The following SPRED2 variants were observed in gnomAD, a reference collection of about 807,000 sequenced individuals.
SPRED2 encodes the protein sprouty-related, EVH1 domain-containing protein 2.
A neutral mutation model predicts 43.0 loss-of-function variants in SPRED2; 47 were observed. The observed-to-expected ratio is 1.09, with a 90% confidence interval of 0.87 to 1.40. The LOEUF is 1.40. Ranked by LOEUF, SPRED2 falls within the 40% of genes most tolerant of loss-of-function variation. The probability of loss-of-function intolerance (pLI) is 0.00; values close to 1 mark genes in which losing one functional copy is unlikely to be tolerated. For missense variants in SPRED2, 561 were observed against 586.4 expected, an observed-to-expected ratio of 0.96 and a Z score of 0.45; for synonymous variants, 225 against 225.7, an observed-to-expected ratio of 1.00 and a Z score of 0.03.
At chr2:65,390,761 G>C (rs1165419054) in intron 1 of SPRED2, among the ~76,000 whole-genome samples, 1 of 152,078 alleles carries the variant, frequency 6.6e-6, no homozygotes, top group African/African-American at 2.4e-5. Context: ...GTATTTTCTA[G>C]AACAAGTCAC....
chr2:65,313,831 G>T lies in SPRED2; in HGVS notation c.927C>A (p.Cys309Ter). 1.2e-6 allele frequency: 2 copies of T among 1,612,728 alleles called. No individual in the cohort carries two copies. The highest frequency in any genetic ancestry group is 1.7e-6 in the Non-Finnish European group (2 of 1,180,012). ...RRKEDGERSRCVYCRDMFNHE... is the reference protein window; with the variant it reads ...RRKEDGERSR ...GGTTGAACATGTCCCTGCAGTACAC[G>T]CACCGCGAGCGCTCTCCGTCCTCCT... is the stretch of plus-strand genomic sequence containing the variant. Residue 309 changes from cysteine to a stop codon, truncating the protein, a stop_gained, in exon 6 of 6, where the codon TGC becomes TGA. Coordinates refer to ENST00000356388, the MANE Select transcript of SPRED2 (RefSeq NM_181784.3). LOFTEE classifies it high-confidence loss of function.
chr2:65,313,479 G>C lies in SPRED2; in HGVS notation c.*22C>G, dbSNP rs777578661. ...GAGTTCCCCTGTGGCTGCGGATGGAGGGAGAAGGGAGGGAAACTGAGTCAC... is the reference window on the plus strand; with the variant it reads ...GAGTTCCCCTGTGGCTGCGGATGGACGGAGAAGGGAGGGAAACTGAGTCAC... On this transcript the variant is annotated 3_prime_UTR_variant, in exon 6 of 6. Transcript: ENST00000356388. 1 of 1,579,616 alleles carries C rather than the reference G, an allele frequency of 6.3e-7. No homozygotes were observed. Among genetic ancestry groups the C allele is most frequent in the Non-Finnish European group, 8.6e-7 (1 of 1,163,648 alleles).
At chr2:65,308,305 A>G (rs1222024794), downstream of SPRED2, 2 of 985,350 alleles carry the variant, frequency 2.0e-6, no homozygotes, top group Non-Finnish European at 2.4e-6. Flanking sequence ...GCTCCCACAG[A>G]GGCCACCGAC....
intron 1 of SPRED2, among the ~76,000 whole-genome samples, chr2:65,424,217 C>A (rs1375375033): frequency 6.6e-6 from 1 of 152,072 alleles, no homozygotes; most frequent in East Asian, 1.9e-4. Context: ...GGTCTCACTC[C>A]AAAGTCCATG....
At chr2:65,409,874 A>G (rs1471186863) in intron 1 of SPRED2, among the ~76,000 whole-genome samples, 1 of 151,704 alleles carries the variant, frequency 6.6e-6, no homozygotes, top group Non-Finnish European at 1.5e-5. Flanking sequence ...TACTAAAAAT[A>G]CAAAAATTAT....
chr2:65,374,970 A>G (rs1675204321), intron 1 of SPRED2, among the ~76,000 whole-genome samples: 1 of 152,262 alleles, frequency 6.6e-6, no homozygotes, highest in African/African-American at 2.4e-5. Context: ...CACCTCACCA[A>G]GAAAAGAAGC....
At chr2:65,361,819 C>T (rs1674822276) in intron 1 of SPRED2, among the ~76,000 whole-genome samples, 1 of 152,186 alleles carries the variant, frequency 6.6e-6, no homozygotes, top group Non-Finnish European at 1.5e-5. Context: ...TTTTGCTCTT[C>T]ACCCCTCCCA....
intron 1 of SPRED2, among the ~76,000 whole-genome samples, chr2:65,419,414 G>A (rs1301491868): frequency 1.3e-5 from 2 of 152,122 alleles, no homozygotes; most frequent in African/African-American, 4.8e-5. Flanking sequence ...CCACTCCAGA[G>A]TACCAAGGCA....
intron 1 of SPRED2, among the ~76,000 whole-genome samples, chr2:65,376,415 T>A (rs1015849068): frequency 1.3e-5 from 2 of 152,216 alleles, no homozygotes; most frequent in African/African-American, 4.8e-5. Context: ...CATTAATTTA[T>A]CTGTACAATG....
rs1015998648 is a variant in SPRED2, at chr2:65,424,768, T to A, written c.26+7194A>T. Among the ~76,000 whole-genome samples the A allele has an allele frequency of 5.3e-3, 78 of 14,822 alleles. No homozygotes were observed. In the African/African-American group the frequency reaches 0.19, roughly 37 times the overall value. 9.7% of individuals were successfully genotyped at this position (14,822 alleles called of 152,430 possible). On this transcript the variant is annotated intron_variant, in intron 1 of 5. Coordinates refer to ENST00000356388, the MANE Select transcript of SPRED2 (RefSeq NM_181784.3). The stretch of plus-strand genomic sequence containing the variant: ...GAGCTGAAGGCCATCCTGGGCAACG[T>A]TAAGAAGACCTCACCTCTACTAAAA...
chr2:65,428,169 T>G (rs1558695451), intron 1 of SPRED2, among the ~76,000 whole-genome samples: 2 of 152,226 alleles, frequency 1.3e-5, no homozygotes, highest in South Asian at 4.1e-4. Flanking sequence ...AAGAGCCACA[T>G]AGGGCACCTG....
intron 1 of SPRED2, among the ~76,000 whole-genome samples, chr2:65,356,983 GTC>G (rs1674671551): frequency 1.3e-5 from 2 of 152,208 alleles, no homozygotes; most frequent in South Asian, 2.1e-4. Context: ...AACAGAATGA[GTC>G]TCTGTCTCAA....
At chr2:65,430,436 C>T (rs1460599934) in intron 1 of SPRED2, among the ~76,000 whole-genome samples, 3 of 152,208 alleles carry the variant, frequency 2.0e-5, no homozygotes, top group Admixed American at 6.5e-5. Context: ...ACCAGCCCCA[C>T]TCCCGCCCGG....
At chr2:65,373,920 C>T (rs1675183614) in intron 1 of SPRED2, 1 of 151,972 alleles carries the variant, frequency 6.6e-6, no homozygotes, top group Admixed American at 6.6e-5. Context: ...TTCTTCATTA[C>T]AAAAAGTGAT....
chr2:65,321,504 TAAAAAAA>T (rs70943644), intron 4 of SPRED2, among the ~76,000 whole-genome samples: 4 of 55,776 alleles, frequency 7.2e-5, no homozygotes, highest in African/African-American at 2.8e-4. Flanking sequence ...AGACCCTGTC[TAAAAAAA>T]AAAAAAAAAA....
At chr2:65,327,223 C>T (rs1308433185) in intron 4 of SPRED2, among the ~76,000 whole-genome samples, 1 of 152,136 alleles carries the variant, frequency 6.6e-6, no homozygotes, top group Non-Finnish European at 1.5e-5. Flanking sequence ...CACAGTTTAG[C>T]TTCACTGGAG....
chr2:65,378,621 C>T (rs1031421104), intron 1 of SPRED2, among the ~76,000 whole-genome samples: 3 of 152,168 alleles, frequency 2.0e-5, no homozygotes, highest in Non-Finnish European at 4.4e-5. Flanking sequence ...GGCAGTGTGG[C>T]CCCATAGGGG....
intron 4 of SPRED2, among the ~76,000 whole-genome samples, chr2:65,319,465 G>A (rs1673346693): frequency 6.6e-6 from 1 of 152,184 alleles, no homozygotes; most frequent in African/African-American, 2.4e-5. Flanking sequence ...CCTTTGAGCT[G>A]CTGGATCCAG....
intron 1 of SPRED2, among the ~76,000 whole-genome samples, chr2:65,365,616 T>A (rs898260590): frequency 2.0e-5 from 3 of 152,210 alleles, no homozygotes; most frequent in African/African-American, 7.2e-5. Flanking sequence ...TTAGGCAAAT[T>A]TGTGGGCAGT....
Sources: allele counts gnomAD v4.1 joint callset (sites outside exome capture counted in the v4.1 genomes callset), GRCh38; gene constraint gnomAD v4.1.1; transcripts MANE v1.5; gene names NCBI Gene and HGNC (gene_info 2026-07-23, HGNC 2026-07-21).